Variants in TAS2R1 observed in about 807,000 individuals in gnomAD.
The protein encoded by TAS2R1 is taste 2 receptor member 1.
For synonymous variants in TAS2R1, 141 were observed against 134.2 expected, an observed-to-expected ratio of 1.05 and a Z score of -0.35; for missense variants, 370 against 353.4, an observed-to-expected ratio of 1.05 and a Z score of -0.38.
intron 1 of TAS2R1, among the ~76,000 whole-genome samples, chr5:9,704,553 T>G (rs1432385754): frequency 6.6e-6 from 1 of 152,100 alleles, no homozygotes. Context: ...AATTGCAGAT[T>G]TTTTAAGAAG....
At position 9,697,953 on chromosome 5, in the gene TAS2R1, T is replaced by C. The variant is rs142809549; in HGVS notation, c.-242+14219A>G. Among the ~76,000 whole-genome samples, 1,192 of 151,538 alleles carry C rather than the reference T, an allele frequency of 7.9e-3. 65 individuals are homozygous for C. The highest frequency in any genetic ancestry group is 0.072 in the Admixed American group (1,098 of 15,228). Reference sequence around the variant, plus strand: ...TTAGCAACTGCAGAAAAAAAAAAGATTTTAAAATCCAGGAAAATTATTTAA... The same window carrying C: ...TTAGCAACTGCAGAAAAAAAAAAGACTTTAAAATCCAGGAAAATTATTTAA... On this transcript the variant is annotated intron_variant, in intron 1 of 2. Coordinates refer to the TAS2R1 transcript ENST00000506620.
the TAS2R1 span, among the ~76,000 whole-genome samples, chr5:9,727,464 T>TA: frequency 3.3e-5 from 5 of 152,190 alleles, no homozygotes; most frequent in Non-Finnish European, 7.3e-5. Flanking sequence ...CAGGTAATCT[T>TA]ACAGCCGAAA....
chr5:9,869,636 A>G, the TAS2R1 span, among the ~76,000 whole-genome samples: 1 of 152,202 alleles, frequency 6.6e-6, no homozygotes, highest in East Asian at 1.9e-4. Context: ...AGCTTCAATA[A>G]TTGATGTTTC....
At position 9,627,675 on chromosome 5, in the gene TAS2R1, G is replaced by T. The variant is rs1272391061; in HGVS notation, c.*1458C>A. Among the ~76,000 whole-genome samples, 3 of 152,174 alleles carry T rather than the reference G, an allele frequency of 2.0e-5. No individual in the cohort carries two copies. Among genetic ancestry groups the T allele is most frequent in the Admixed American group, 2.0e-4 (3 of 15,274 alleles). On this transcript the variant is annotated 3_prime_UTR_variant, in exon 1 of 1. Transcript: ENST00000382492. ...ATTCAGAAGCAATAATTACACCCAG[G>T]ATACAACTGATCTTCCCACAGCTGG...
the TAS2R1 span, among the ~76,000 whole-genome samples, chr5:9,801,004 A>G: frequency 6.6e-6 from 1 of 152,264 alleles, no homozygotes; most frequent in Non-Finnish European, 1.5e-5. Context: ...ACAGCCTTGT[A>G]AACATGGTGA....
At position 9,686,440 on chromosome 5, in the gene TAS2R1, G is replaced by A. The variant is rs79818516; in HGVS notation, c.-242+25732C>T. Among the ~76,000 whole-genome samples the A allele has an allele frequency of 6.9e-3, 1,046 of 152,266 alleles. 9 individuals are homozygous for A. The highest frequency in any genetic ancestry group is 0.023 in the African/African-American group (958 of 41,550). On this transcript the variant is annotated intron_variant, in intron 1 of 2. Coordinates refer to the TAS2R1 transcript ENST00000506620. ...CCAGATGGGAAATCCAGCCCATGGC[G>A]AACTCCTTCTTAGTGGTCATTCACC...
chr5:9,719,382 G>A, the TAS2R1 span, among the ~76,000 whole-genome samples: 4 of 152,180 alleles, frequency 2.6e-5, no homozygotes, highest in Non-Finnish European at 5.9e-5. Flanking sequence ...CTTCGGAGAT[G>A]TAAAATTTGT....
the TAS2R1 span, among the ~76,000 whole-genome samples, chr5:9,725,715 C>G: frequency 6.6e-6 from 1 of 152,204 alleles, no homozygotes; most frequent in Non-Finnish European, 1.5e-5. Flanking sequence ...GGAGTGCAGG[C>G]ACACGGCACG....
intron 1 of TAS2R1, among the ~76,000 whole-genome samples, chr5:9,681,193 A>G (rs1468737963): frequency 6.6e-6 from 1 of 152,192 alleles, no homozygotes; most frequent in Non-Finnish European, 1.5e-5. Context: ...TAAAGTATGC[A>G]TTTCAATATA....
chr5:9,724,996 G>A, the TAS2R1 span, among the ~76,000 whole-genome samples: 1 of 152,258 alleles, frequency 6.6e-6, no homozygotes, highest in Non-Finnish European at 1.5e-5. Context: ...CATTGGTGCT[G>A]TGCTTCTGTG....
intron 1 of TAS2R1, among the ~76,000 whole-genome samples, chr5:9,690,517 G>A (rs940071079): frequency 2.0e-5 from 3 of 151,928 alleles, no homozygotes; most frequent in African/African-American, 7.3e-5. Flanking sequence ...AATTAAGCAC[G>A]CAACTCAGTT....
the TAS2R1 span, among the ~76,000 whole-genome samples, chr5:9,815,439 A>T: frequency 3.3e-5 from 5 of 152,302 alleles, no homozygotes; most frequent in Middle Eastern, 3.4e-3. Context: ...GATAGATGAT[A>T]GATAGATGGA....
chr5:9,718,264 C>A, the TAS2R1 span, among the ~76,000 whole-genome samples: 2 of 151,998 alleles, frequency 1.3e-5, no homozygotes, highest in African/African-American at 2.4e-5. Context: ...CCACTGCGCC[C>A]AGCCACCATA....
rs188991293 is a variant in TAS2R1 at position 9,647,785 on chromosome 5, G to A, written c.-81+11636C>T. On this transcript the variant is annotated intron_variant, in intron 2 of 2. Coordinates refer to the TAS2R1 transcript ENST00000506620. The stretch of plus-strand genomic sequence containing the variant: ...TTCTTTCTCAATTATTCACAAATCT[G>A]AATGTTGTCTTGTTATCGTTAAGTA... Among the ~76,000 whole-genome samples, 917 of 152,138 alleles carry A rather than the reference G, an allele frequency of 6.0e-3. 9 individuals carry two copies. The highest frequency in any genetic ancestry group is 5.2e-3 in the South Asian group (25 of 4,818).
intron 1 of TAS2R1, among the ~76,000 whole-genome samples, chr5:9,690,362 T>G (rs1325251235): frequency 5.3e-5 from 8 of 152,176 alleles, no homozygotes; most frequent in Non-Finnish European, 8.8e-5. Context: ...TCCATGTCTA[T>G]GATGATGGCT....
chr5:9,697,687 T>C (rs1416407348), intron 1 of TAS2R1, among the ~76,000 whole-genome samples: 2 of 152,158 alleles, frequency 1.3e-5, no homozygotes, highest in African/African-American at 2.4e-5. Flanking sequence ...CAAAAAATGT[T>C]CAAAGAATTT....
At chr5:9,894,372 C>A in the TAS2R1 span, among the ~76,000 whole-genome samples, 1 of 151,980 alleles carries the variant, frequency 6.6e-6, no homozygotes, top group Non-Finnish European at 1.5e-5. Flanking sequence ...CCATTGTACT[C>A]CAGCCGTGAG....
the TAS2R1 span, among the ~76,000 whole-genome samples, chr5:9,860,526 T>C: frequency 6.6e-6 from 1 of 152,230 alleles, no homozygotes; most frequent in Non-Finnish European, 1.5e-5. Flanking sequence ...GAAGCTCCCT[T>C]TCAGTCAGAA....
the TAS2R1 span, among the ~76,000 whole-genome samples, chr5:9,785,913 A>C: frequency 6.6e-6 from 1 of 152,328 alleles, no homozygotes; most frequent in Admixed American, 6.5e-5. Flanking sequence ...GGTTGTTCCC[A>C]AACCCACCCT....
Sources: gnomAD v4.1 joint callset for allele counts (sites outside exome capture counted in the v4.1 genomes callset) on GRCh38, gnomAD v4.1.1 for gene constraint, MANE v1.5 for transcripts, NCBI Gene and HGNC (gene_info 2026-07-23, HGNC 2026-07-21) for gene names.